The following PCDH15 variants were observed in gnomAD, a reference collection of about 807,000 sequenced individuals.
PCDH15 encodes protocadherin-15.
Under a neutral mutation model 178.5 loss-of-function variants are expected in PCDH15, and 129 were observed. The observed-to-expected ratio is 0.72, with a 90% CI of 0.63 to 0.84. PCDH15 has a LOEUF of 0.84. Ranked by LOEUF, PCDH15 falls within the 40% of genes least tolerant of loss-of-function variation. PCDH15 has a pLI of 0.00. For synonymous variants in PCDH15, 800 were observed against 732.0 expected (o/e 1.09, Z -1.50); for missense variants, 2,230 against 2,099.9 (o/e 1.06, Z -1.21).
intron 3 of PCDH15, among the ~76,000 whole-genome samples, chr10:54,826,830 T>C (rs922281222): frequency 6.6e-6 from 1 of 152,042 alleles, no homozygotes; most frequent in South Asian, 2.1e-4. Context: ...TATAAAGCTA[T>C]TGTATTACTA....
chr10:53,813,714 C>T (rs954337297), intron 35 of PCDH15, among the ~76,000 whole-genome samples: 13 of 152,136 alleles, frequency 8.5e-5, no homozygotes, highest in African/African-American at 1.9e-4. Context: ...GCTACCACAT[C>T]GCACAACAAC....
intron 2 of PCDH15, among the ~76,000 whole-genome samples, chr10:55,125,410 A>C (rs1837874439): frequency 6.6e-6 from 1 of 152,074 alleles, no homozygotes; most frequent in African/African-American, 2.4e-5. Flanking sequence ...TTCAATTAAA[A>C]ATACCTAACC....
intron 8 of PCDH15, among the ~76,000 whole-genome samples, chr10:54,286,572 A>G (rs1282837179): frequency 6.6e-6 from 1 of 152,176 alleles, no homozygotes; most frequent in African/African-American, 2.4e-5. Context: ...TAGAAATTGT[A>G]ATGTTTTTGT....
chr10:54,159,516 T>G (rs2045501014), intron 13 of PCDH15, among the ~76,000 whole-genome samples: 1 of 152,174 alleles, frequency 6.6e-6, no homozygotes, highest in African/African-American at 2.4e-5. Flanking sequence ...AAAAATTACA[T>G]ATTTTAAATG....
At chr10:55,615,388 C>T (rs1843453292) in intron 2 of PCDH15, among the ~76,000 whole-genome samples, 1 of 152,090 alleles carries the variant, frequency 6.6e-6, no homozygotes, top group African/African-American at 2.4e-5. Flanking sequence ...AATGAAGGTA[C>T]ATTAATGAAA....
intron 2 of PCDH15, among the ~76,000 whole-genome samples, chr10:54,643,750 C>T (rs1414142468): frequency 6.8e-6 from 1 of 147,598 alleles, no homozygotes; most frequent in Non-Finnish European, 1.5e-5. Context: ...ACATATAATA[C>T]TAGATGGGTT....
chr10:54,588,491 C>A (rs1011283741), intron 2 of PCDH15, among the ~76,000 whole-genome samples: 5 of 152,108 alleles, frequency 3.3e-5, no homozygotes, highest in African/African-American at 1.2e-4. Flanking sequence ...TTTTTCATAA[C>A]CAACAGGTTT....
chr10:55,099,501 G>C (rs1375061865), intron 2 of PCDH15, among the ~76,000 whole-genome samples: 1 of 152,018 alleles, frequency 6.6e-6, no homozygotes, highest in Non-Finnish European at 1.5e-5. Flanking sequence ...AATTATTGCA[G>C]TGTAGTAATC....
At chr10:54,151,264 G>A (rs1306186774) in intron 14 of PCDH15, among the ~76,000 whole-genome samples, 1 of 152,172 alleles carries the variant, frequency 6.6e-6, no homozygotes, top group African/African-American at 2.4e-5. Context: ...ATGGAGGCCA[G>A]GCGTCGTGGC....
intron 2 of PCDH15, among the ~76,000 whole-genome samples, chr10:55,511,028 T>C (rs1840871301): frequency 6.7e-6 from 1 of 150,200 alleles, no homozygotes; most frequent in South Asian, 2.1e-4. Context: ...AGTGGCTAAT[T>C]TGTTTTTTTT....
chr10:54,163,654 T>A (rs558554392), intron 13 of PCDH15, among the ~76,000 whole-genome samples: 1 of 152,020 alleles, frequency 6.6e-6, no homozygotes, highest in African/African-American at 2.4e-5. Context: ...CATAAAGAAC[T>A]AAGAGGGATT....
At chr10:54,265,327 T>C (rs2057601666) in intron 8 of PCDH15, among the ~76,000 whole-genome samples, 1 of 151,906 alleles carries the variant, frequency 6.6e-6, no homozygotes, top group Non-Finnish European at 1.5e-5. Context: ...GTCCACAGAC[T>C]CTATACCACA....
chr10:55,625,725 G>A (rs1200884505), intron 2 of PCDH15, among the ~76,000 whole-genome samples: 1 of 152,172 alleles, frequency 6.6e-6, no homozygotes, highest in African/African-American at 2.4e-5. Context: ...TGCTCATGCA[G>A]ATTTAAGATA....
chr10:53,859,223 T>A (rs2078949971), intron 27 of PCDH15, among the ~76,000 whole-genome samples: 1 of 152,062 alleles, frequency 6.6e-6, no homozygotes, highest in Non-Finnish European at 1.5e-5. Flanking sequence ...AGTACTGGAG[T>A]CCTGGCCTCA....
chr10:54,033,332 A>G (rs1279654852), intron 18 of PCDH15, among the ~76,000 whole-genome samples: 1 of 151,876 alleles, frequency 6.6e-6, no homozygotes, highest in Non-Finnish European at 1.5e-5. Flanking sequence ...TTCCACAGAT[A>G]TATTTATGTA....
intron 2 of PCDH15, among the ~76,000 whole-genome samples, chr10:55,541,009 A>G (rs1214863752): frequency 2.0e-5 from 3 of 152,078 alleles, no homozygotes; most frequent in Non-Finnish European, 4.4e-5. Flanking sequence ...AATTTACCCT[A>G]TATATTTATT....
At chr10:54,035,420 C>G (rs2093393531) in intron 18 of PCDH15, among the ~76,000 whole-genome samples, 1 of 151,904 alleles carries the variant, frequency 6.6e-6, no homozygotes, top group African/African-American at 2.4e-5. Context: ...TAAATTACTA[C>G]TGGATCTGTT....
intron 23 of PCDH15, among the ~76,000 whole-genome samples, chr10:53,955,611 G>C (rs1229427586): frequency 1.3e-5 from 2 of 152,142 alleles, no homozygotes; most frequent in East Asian, 1.9e-4. Flanking sequence ...TACAGTGCTA[G>C]ATTACTGCTT....
At chr10:53,985,301 T>A (rs949005155) in intron 21 of PCDH15, among the ~76,000 whole-genome samples, 2 of 152,222 alleles carry the variant, frequency 1.3e-5, no homozygotes, top group African/African-American at 2.4e-5. Context: ...TATGTGTTAA[T>A]CAAATCCTGC....
Sources: allele counts gnomAD v4.1 joint callset (sites outside exome capture counted in the v4.1 genomes callset), GRCh38; gene constraint gnomAD v4.1.1; transcripts MANE v1.5; gene names NCBI Gene and HGNC (gene_info 2026-07-23, HGNC 2026-07-21).